The following GABRG3 variants were observed in gnomAD, a reference collection of about 807,000 sequenced individuals.
GABRG3 encodes the protein gamma-aminobutyric acid receptor subunit gamma-3.
A neutral mutation model predicts 48.8 loss-of-function variants in GABRG3; 25 were observed. The ratio of observed to expected loss-of-function variants is 0.51; its 90% CI spans 0.37 to 0.72. The LOEUF (loss-of-function observed/expected upper bound fraction) is 0.72. GABRG3 is among the 30% of genes least tolerant of loss of function. The pLI is 0.00. For missense variants in GABRG3, 394 were observed against 577.9 expected, an observed-to-expected ratio of 0.68 and a Z score of 3.26; for synonymous variants, 227 against 217.6, an observed-to-expected ratio of 1.04 and a Z score of -0.38.
At chr15:27,102,220 A>C (rs1317576750) in intron 3 of GABRG3, among the ~76,000 whole-genome samples, 4 of 152,150 alleles carry the variant, frequency 2.6e-5, no homozygotes, top group Non-Finnish European at 5.9e-5. Context: ...TAGTCAATTC[A>C]TTTCAGTCTT....
In GABRG3 at chr15:27,328,867, T is replaced by C. The variant is rs775123723; in HGVS notation, c.553T>C (p.Cys185Arg). The change falls in exon 5 of 10, where the codon TGC becomes CGC. Residue 185 changes from cysteine to arginine, a missense_variant. Cys to Arg is a radical substitution (Grantham distance 180, BLOSUM62 -3). Around this residue, in one of 3 missense-constraint regions of GABRG3, gnomAD observed 218 missense variants for 309.9 expected, o/e 0.70. Coordinates refer to ENST00000615808, the MANE Select transcript of GABRG3 (RefSeq NM_033223.5). ...LHNFPMDEHS[C>R]PLIFSSYGYP... is the part of the protein sequence containing the mutation. The stretch of plus-strand genomic sequence containing the variant: ...CAACTTCCCCATGGACGAACACTCC[T>C]GCCCGCTGATTTTCTCCAGCTGTGA... The C allele has an allele frequency of 6.2e-7, 1 of 1,614,024 alleles. No homozygotes were observed. The highest frequency in any genetic ancestry group is 8.5e-7 in the Non-Finnish European group (1 of 1,179,870).
chr15:27,091,508 C>A (rs1010237113), intron 3 of GABRG3, among the ~76,000 whole-genome samples: 3 of 152,128 alleles, frequency 2.0e-5, no homozygotes, highest in Admixed American at 1.3e-4. Context: ...TCCTCCTCTT[C>A]TATTTTTGGA....
chr15:27,406,172 A>G (rs1027663874), intron 5 of GABRG3, among the ~76,000 whole-genome samples: 1 of 152,074 alleles, frequency 6.6e-6, no homozygotes, highest in Non-Finnish European at 1.5e-5. Context: ...CCCAAAATAA[A>G]ATATACACGA....
At chr15:27,476,678 C>A (rs571896920) in intron 5 of GABRG3, among the ~76,000 whole-genome samples, 1 of 152,060 alleles carries the variant, frequency 6.6e-6, no homozygotes, top group Non-Finnish European at 1.5e-5. Context: ...AATGAATATA[C>A]CTGTGGCACA....
chr15:27,343,354 G>A (rs190963000), intron 5 of GABRG3, among the ~76,000 whole-genome samples: 105 of 152,318 alleles, frequency 6.9e-4, no homozygotes, highest in African/African-American at 1.9e-3. Context: ...ATAGAAATGA[G>A]AAATCTGGAA....
At chr15:27,061,335 G>T (rs886550121) in intron 3 of GABRG3, among the ~76,000 whole-genome samples, 1 of 152,122 alleles carries the variant, frequency 6.6e-6, no homozygotes, top group Non-Finnish European at 1.5e-5. Context: ...CGCACTGCCT[G>T]CTCTCACACT....
chr15:27,217,037 T>C (rs1003533221), intron 3 of GABRG3, among the ~76,000 whole-genome samples: 11 of 148,266 alleles, frequency 7.4e-5, no homozygotes, highest in African/African-American at 2.8e-4. Flanking sequence ...GTTTGGTTTT[T>C]TGTTATTGCG....
chr15:27,109,806 C>T (rs1897513559), intron 3 of GABRG3, among the ~76,000 whole-genome samples: 1 of 152,140 alleles, frequency 6.6e-6, no homozygotes, highest in Admixed American at 6.6e-5. Context: ...CACTTGAACT[C>T]GGGAGAGGGA....
intron 5 of GABRG3, among the ~76,000 whole-genome samples, chr15:27,436,276 G>T (rs538162636): frequency 6.6e-6 from 1 of 152,256 alleles, no homozygotes; most frequent in South Asian, 2.1e-4. Flanking sequence ...CTTATAATAA[G>T]GGCACTAATC....
chr15:27,103,636 A>T (rs762953748), intron 3 of GABRG3, among the ~76,000 whole-genome samples: 1 of 152,194 alleles, frequency 6.6e-6, no homozygotes, highest in African/African-American at 2.4e-5. Flanking sequence ...GATTACAAAC[A>T]TGTTACACAT....
At chr15:27,423,887 A>C (rs917530393) in intron 5 of GABRG3, among the ~76,000 whole-genome samples, 1 of 151,826 alleles carries the variant, frequency 6.6e-6, no homozygotes. Flanking sequence ...TATTTGCAAA[A>C]TAGGATTGAT....
intron 6 of GABRG3, among the ~76,000 whole-genome samples, chr15:27,504,270 T>G (rs568423360): frequency 6.6e-6 from 1 of 152,290 alleles, no homozygotes; most frequent in African/African-American, 2.4e-5. Flanking sequence ...ACTTCTCGTC[T>G]ATTTTTTGTT....
At chr15:27,147,808 G>A (rs1898237106) in intron 3 of GABRG3, among the ~76,000 whole-genome samples, 1 of 151,994 alleles carries the variant, frequency 6.6e-6, no homozygotes, top group African/African-American at 2.4e-5. Flanking sequence ...TAGAACTTAT[G>A]AGATGCTGCA....
chr15:27,144,818 C>T (rs745654427), intron 3 of GABRG3, among the ~76,000 whole-genome samples: 11 of 152,262 alleles, frequency 7.2e-5, no homozygotes, highest in Middle Eastern at 3.4e-3. Flanking sequence ...AAGGTGTATT[C>T]CCAAAAAGGA....
chr15:27,477,760 G>C (rs1291012088), intron 5 of GABRG3, among the ~76,000 whole-genome samples: 2 of 152,204 alleles, frequency 1.3e-5, no homozygotes, highest in East Asian at 1.9e-4. Context: ...AGAAAAGGAG[G>C]CCGGGCACAG....
intron 3 of GABRG3, among the ~76,000 whole-genome samples, chr15:27,311,633 G>A (rs1459526094): frequency 1.3e-5 from 2 of 151,942 alleles, no homozygotes; most frequent in Non-Finnish European, 2.9e-5. Flanking sequence ...TTTCTCCCTG[G>A]GGATAGGGAA....
At chr15:27,175,039 CT>C (rs1386456369) in intron 3 of GABRG3, among the ~76,000 whole-genome samples, 1 of 152,198 alleles carries the variant, frequency 6.6e-6, no homozygotes, top group Admixed American at 6.5e-5. Flanking sequence ...AGATTGGCCC[CT>C]AATCCTGTGT....
At chr15:27,408,965 T>C (rs1887717515) in intron 5 of GABRG3, among the ~76,000 whole-genome samples, 1 of 152,174 alleles carries the variant, frequency 6.6e-6, no homozygotes, top group African/African-American at 2.4e-5. Flanking sequence ...AAACAATGTT[T>C]AAAGTATTAA....
intron 3 of GABRG3, among the ~76,000 whole-genome samples, chr15:27,113,311 C>T (rs1035204336): frequency 6.6e-6 from 1 of 151,962 alleles, no homozygotes; most frequent in Non-Finnish European, 1.5e-5. Flanking sequence ...GTTTTAGTTT[C>T]TGTTTTTGCG....
Sources: gnomAD v4.1 joint callset for allele counts (sites outside exome capture counted in the v4.1 genomes callset) on GRCh38, gnomAD v4.1.1 for gene constraint, gnomAD v4.1.1 regional missense constraint, MANE v1.5 for transcripts, NCBI Gene and HGNC (gene_info 2026-07-23, HGNC 2026-07-21) for gene names.